The following ROR2 variants were observed in gnomAD, a reference collection of about 807,000 sequenced individuals.
ROR2 encodes tyrosine-protein kinase transmembrane receptor ROR2.
ROR2 carries 33 observed loss-of-function variants against 74.9 expected under a neutral mutation model. The ratio of observed to expected loss-of-function variants is 0.44; its 90% CI spans 0.33 to 0.59. The LOEUF (loss-of-function observed/expected upper bound fraction) is 0.59. ROR2 is among the 20% of genes least tolerant of loss of function. The pLI is 0.02. For missense variants in ROR2, 1,216 were observed against 1,313.8 expected (o/e 0.93, Z 1.15); for synonymous variants, 586 against 558.7 (o/e 1.05, Z -0.69).
chr9:91,853,151 G>A (rs1430768421), intron 1 of ROR2, among the ~76,000 whole-genome samples: 1 of 152,326 alleles, frequency 6.6e-6, no homozygotes, highest in African/African-American at 2.4e-5. Context: ...TATGCCTGGG[G>A]TTGGGCCTTT....
At chr9:91,735,335 A>C (rs1340083126) in intron 5 of ROR2, among the ~76,000 whole-genome samples, 1 of 152,190 alleles carries the variant, frequency 6.6e-6, no homozygotes, top group Non-Finnish European at 1.5e-5. Context: ...AGCAACTTCA[A>C]ATTTACTGTT....
At chr9:91,827,454 CTACT>C (rs1291692309) in intron 1 of ROR2, among the ~76,000 whole-genome samples, 1 of 152,142 alleles carries the variant, frequency 6.6e-6, no homozygotes, top group Non-Finnish European at 1.5e-5. Flanking sequence ...CTTATGAAAT[CTACT>C]TAAGTATTTT....
chr9:91,758,834 C>T (rs911427026), intron 2 of ROR2, among the ~76,000 whole-genome samples: 1 of 152,168 alleles, frequency 6.6e-6, no homozygotes. Context: ...TGCCTGCACA[C>T]GCAGGTGTGT....
At chr9:91,756,819 C>T (rs2118844710) in intron 3 of ROR2, among the ~76,000 whole-genome samples, 1 of 145,190 alleles carries the variant, frequency 6.9e-6, no homozygotes, top group East Asian at 2.0e-4. Flanking sequence ...GGCGTGATCT[C>T]GGCTCACTGC....
chr9:91,724,070 G>C lies in ROR2; in HGVS notation c.2424C>G (p.Ile808Met). ...QPQFIPMKGQ[I>M]RPMVPPPQLY... The stretch of plus-strand genomic sequence containing the variant: ...GCTGCGGCGGGGGCACCATGGGTCT[G>C]ATCTGGCCCTTCATGGGGATGAACT... The change falls in exon 9 of 9, where the codon ATC becomes ATG. Residue 808 changes from isoleucine to methionine, a missense_variant. Coordinates refer to ENST00000375708, the MANE Select transcript of ROR2 (RefSeq NM_004560.4). The C allele has an allele frequency of 6.2e-7, 1 of 1,611,030 alleles. No individual in the cohort carries two copies. Among genetic ancestry groups the C allele is most frequent in the South Asian group, 1.1e-5 (1 of 91,054 alleles).
At chr9:91,798,471 G>GCTGTCTTGTCCATGAAT (rs1188942655) in intron 1 of ROR2, among the ~76,000 whole-genome samples, 1 of 107,506 alleles carries the variant, frequency 9.3e-6, no homozygotes. Flanking sequence ...CCTGGGCTCT[G>GCTGTCTTGTCCATGAAT]TAGGTGGGGA....
At chr9:91,846,725 G>A (rs931229497) in intron 1 of ROR2, among the ~76,000 whole-genome samples, 30 of 152,026 alleles carry the variant, frequency 2.0e-4, no homozygotes, top group South Asian at 2.1e-4. Context: ...CACCCTCTGC[G>A]GTGGTCCCTG....
chr9:91,810,252 G>C (rs981208767), intron 1 of ROR2, among the ~76,000 whole-genome samples: 2 of 152,182 alleles, frequency 1.3e-5, no homozygotes, highest in Non-Finnish European at 2.9e-5. Context: ...TGGCGTCTTT[G>C]GGAAGAGTTT....
intron 1 of ROR2, among the ~76,000 whole-genome samples, chr9:91,802,862 A>G (rs1165867466): frequency 1.3e-5 from 2 of 152,194 alleles, no homozygotes; most frequent in Admixed American, 6.5e-5. Context: ...AGAACAAACC[A>G]ACCACAAAAT....
chr9:91,827,170 A>G (rs1828322665), intron 1 of ROR2, among the ~76,000 whole-genome samples: 1 of 152,066 alleles, frequency 6.6e-6, no homozygotes, highest in Non-Finnish European at 1.5e-5. Context: ...CCCCCTAACT[A>G]TATGCTCCAT....
intron 1 of ROR2, among the ~76,000 whole-genome samples, chr9:91,835,349 C>T (rs940283244): frequency 6.6e-6 from 1 of 152,216 alleles, no homozygotes; most frequent in Non-Finnish European, 1.5e-5. Flanking sequence ...GAGACATGTA[C>T]AATTTCACCA....
chr9:91,819,706 G>A (rs1184429610), intron 1 of ROR2, among the ~76,000 whole-genome samples: 1 of 151,942 alleles, frequency 6.6e-6, no homozygotes. Context: ...TTTTCAGTGT[G>A]TTCTGTGTGT....
intron 1 of ROR2, among the ~76,000 whole-genome samples, chr9:91,800,018 GTTCA>G (rs1827320478): frequency 2.0e-5 from 3 of 152,290 alleles, no homozygotes; most frequent in African/African-American, 7.2e-5. Context: ...TTGGACATTT[GTTCA>G]TTCATAACTC....
intron 1 of ROR2, among the ~76,000 whole-genome samples, chr9:91,819,898 CTGTA>C (rs1251647349): frequency 2.0e-5 from 3 of 151,372 alleles, no homozygotes; most frequent in Admixed American, 1.3e-4. Context: ...GTTTAGTGTT[CTGTA>C]TGTGTGTCTG....
Position 91,729,955 on chromosome 9 carries a change from G to A in ROR2, c.1183+955C>T, listed in dbSNP as rs116076333. 1.8e-3 allele frequency among the ~76,000 whole-genome samples: 267 copies of A among 152,158 alleles called. 1 individual carries two copies. The highest frequency in any genetic ancestry group is 6.2e-3 in the African/African-American group (257 of 41,554). On this transcript the variant is annotated intron_variant, in intron 7 of 8. Coordinates refer to ENST00000375708, the MANE Select transcript of ROR2 (RefSeq NM_004560.4). Reference sequence around the variant, plus strand: ...TTAGGAACTACTGAGCAATAATGGTGTTTTTTGTTTTTTGTTTTTGAGAAA... The same window carrying A: ...TTAGGAACTACTGAGCAATAATGGTATTTTTTGTTTTTTGTTTTTGAGAAA...
intron 1 of ROR2, among the ~76,000 whole-genome samples, chr9:91,942,188 A>G (rs1194311973): frequency 6.6e-6 from 1 of 152,022 alleles, no homozygotes; most frequent in East Asian, 1.9e-4. Context: ...ATGTCCCTCC[A>G]TTTCGTTTGC....
At chr9:91,844,265 G>T (rs1289160610) in intron 1 of ROR2, among the ~76,000 whole-genome samples, 1 of 152,202 alleles carries the variant, frequency 6.6e-6, no homozygotes, top group Non-Finnish European at 1.5e-5. Flanking sequence ...CAGGTCGTCT[G>T]TCCTGGGATC....
chr9:91,895,476 G>A (rs2119410748), intron 1 of ROR2, among the ~76,000 whole-genome samples: 1 of 152,256 alleles, frequency 6.6e-6, no homozygotes, highest in East Asian at 1.9e-4. Flanking sequence ...GGGATGTTGG[G>A]CAGGTTACAG....
intron 1 of ROR2, among the ~76,000 whole-genome samples, chr9:91,829,042 A>G (rs1251008859): frequency 6.6e-6 from 1 of 152,240 alleles, no homozygotes; most frequent in Non-Finnish European, 1.5e-5. Flanking sequence ...GAGGATAAAC[A>G]CTAGCTGGGC....
Sources: gnomAD v4.1 joint callset for allele counts (sites outside exome capture counted in the v4.1 genomes callset) on GRCh38, gnomAD v4.1.1 for gene constraint, MANE v1.5 for transcripts, NCBI Gene and HGNC (gene_info 2026-07-23, HGNC 2026-07-21) for gene names.